The following OXR1 variants were observed in gnomAD, a reference collection of about 807,000 sequenced individuals.
The protein encoded by OXR1 is oxidation resistance protein 1.
Under a neutral mutation model 104.6 loss-of-function variants are expected in OXR1, and 41 were observed. The ratio of observed to expected loss-of-function variants is 0.39; its 90% confidence interval spans 0.31 to 0.51. The LOEUF is 0.51. Ranked by LOEUF, OXR1 falls within the 20% of genes least tolerant of loss-of-function variation. The probability of loss-of-function intolerance (pLI) is 0.77; values close to 1 mark genes in which losing one functional copy is unlikely to be tolerated. For synonymous variants in OXR1, 348 were observed against 348.4 expected (o/e 1.00, Z 0.01); for missense variants, 955 against 1,031.9 (o/e 0.93, Z 1.02).
At chr8:106,313,563 C>G (rs916624370) in intron 1 of OXR1, among the ~76,000 whole-genome samples, 2 of 152,016 alleles carry the variant, frequency 1.3e-5, no homozygotes, top group Non-Finnish European at 1.5e-5. Context: ...TTTTAATAAG[C>G]ACAGCAATTC....
intron 7 of OXR1, among the ~76,000 whole-genome samples, chr8:106,695,065 AC>A (rs1273611611): frequency 9.4e-5 from 14 of 149,616 alleles, no homozygotes; most frequent in Non-Finnish European, 1.8e-4. Flanking sequence ...ACAACAGTAT[AC>A]TTTTATTTCC....
At chr8:106,356,449 C>T (rs986967855) in intron 1 of OXR1, among the ~76,000 whole-genome samples, 1 of 152,108 alleles carries the variant, frequency 6.6e-6, no homozygotes, top group Non-Finnish European at 1.5e-5. Context: ...CTAAATTGTA[C>T]CATGTACATT....
At chr8:106,497,218 C>T (rs1811474297) in intron 2 of OXR1, among the ~76,000 whole-genome samples, 1 of 152,114 alleles carries the variant, frequency 6.6e-6, no homozygotes. Flanking sequence ...TTCATAAATG[C>T]TTGGAAGATG....
chr8:106,282,105 C>G (rs963006043), intron 1 of OXR1, among the ~76,000 whole-genome samples: 1 of 152,122 alleles, frequency 6.6e-6, no homozygotes, highest in Non-Finnish European at 1.5e-5. Context: ...AATCTAAAAT[C>G]TTTCTAAAAT....
At chr8:106,732,154 C>A (rs965091393) in intron 11 of OXR1, among the ~76,000 whole-genome samples, 3 of 151,858 alleles carry the variant, frequency 2.0e-5, no homozygotes, top group Non-Finnish European at 4.4e-5. Context: ...AAATGGTATT[C>A]TTTTTAACTT....
intron 3 of OXR1, among the ~76,000 whole-genome samples, chr8:106,554,647 A>G (rs1816124895): frequency 6.6e-6 from 1 of 152,160 alleles, no homozygotes; most frequent in Non-Finnish European, 1.5e-5. Context: ...AATTATTTTT[A>G]AATAGAAACT....
At chr8:106,726,264 G>C in intron 11 of OXR1, 2 of 1,526,150 alleles carry the variant, frequency 1.3e-6, no homozygotes, top group Non-Finnish European at 1.8e-6. Flanking sequence ...TCTGGTATGG[G>C]AAAAAAGGGA....
intron 2 of OXR1, among the ~76,000 whole-genome samples, chr8:106,435,248 A>T (rs182006624): frequency 6.6e-6 from 1 of 152,272 alleles, no homozygotes; most frequent in East Asian, 1.9e-4. Context: ...CATGACAGGA[A>T]GGGGGCCGTG....
rs181712524 is a variant in OXR1, at chr8:106,385,277, T to C, written c.23+25641T>C. Reference sequence around the variant, plus strand: ...TGAGGCAAATGAATGACAATTCCTTTCCATTCTTCAAAAGCAACATTGCAA... The same window carrying C: ...TGAGGCAAATGAATGACAATTCCTTCCCATTCTTCAAAAGCAACATTGCAA... On this transcript the variant is annotated intron_variant, in intron 2 of 16. Coordinates refer to ENST00000517566, the MANE Select transcript of OXR1 (RefSeq NM_001198533.2). Among the ~76,000 whole-genome samples, 15 of 152,328 alleles carry C rather than the reference T, an allele frequency of 9.8e-5. No individual in the cohort carries two copies. The East Asian group carries it at 2.5e-3, about 25-fold the overall frequency.
intron 11 of OXR1, chr8:106,729,681 A>C (rs960384226): frequency 1.6e-4 from 25 of 152,154 alleles, no homozygotes; most frequent in Non-Finnish European, 4.4e-5. Flanking sequence ...AAAAGTATAC[A>C]CATATATTCA....
rs1478719133 is a variant in OXR1 at position 106,589,655 on chromosome 8, T to C, written c.220+70516T>C. On this transcript the variant is annotated intron_variant, in intron 3 of 16. Transcript: ENST00000517566. Reference sequence around the variant, plus strand: ...AGACTGTGATGAGAGGTGCTTGACATGAACATAAGCTACTGTCTTTTCTGC... The same window carrying C: ...AGACTGTGATGAGAGGTGCTTGACACGAACATAAGCTACTGTCTTTTCTGC... 2.0e-5 allele frequency among the ~76,000 whole-genome samples: 3 copies of C among 152,248 alleles called. No homozygotes were observed. The South Asian group carries it at 6.2e-4, about 32-fold the overall frequency.
intron 2 of OXR1, among the ~76,000 whole-genome samples, chr8:106,372,407 GTT>G (rs113406678): frequency 6.9e-6 from 1 of 144,626 alleles, no homozygotes; most frequent in African/African-American, 2.5e-5. Flanking sequence ...TGCTTATTAT[GTT>G]TTTTTTTTTT....
At chr8:106,551,828 A>T (rs1384509485) in intron 3 of OXR1, among the ~76,000 whole-genome samples, 4 of 86,954 alleles carry the variant, frequency 4.6e-5, no homozygotes, top group African/African-American at 1.1e-4. Context: ...ACACACACAC[A>T]TATATATATG....
chr8:106,696,101 A>C (rs764737229), intron 7 of OXR1, among the ~76,000 whole-genome samples: 1 of 152,212 alleles, frequency 6.6e-6, no homozygotes, highest in South Asian at 2.1e-4. Flanking sequence ...AAAATCCTCT[A>C]TGCACCACCT....
chr8:106,547,051 T>C (rs952085343), intron 3 of OXR1, among the ~76,000 whole-genome samples: 3 of 151,990 alleles, frequency 2.0e-5, no homozygotes, highest in Admixed American at 6.6e-5. Flanking sequence ...CCACCACGCC[T>C]AGCTAATTTT....
At chr8:106,470,535 C>T (rs184600665) in intron 2 of OXR1, among the ~76,000 whole-genome samples, 40 of 151,830 alleles carry the variant, frequency 2.6e-4, no homozygotes, top group African/African-American at 9.4e-4. Context: ...ACATGTGAAC[C>T]TTGTGATGTC....
At chr8:106,526,703 C>T (rs532630117) in intron 3 of OXR1, among the ~76,000 whole-genome samples, 17 of 152,256 alleles carry the variant, frequency 1.1e-4, no homozygotes, top group South Asian at 4.1e-4. Context: ...CCACCACGCC[C>T]GGCTAATTTT....
intron 1 of OXR1, among the ~76,000 whole-genome samples, chr8:106,314,134 C>T (rs1452521154): frequency 6.6e-6 from 1 of 152,166 alleles, no homozygotes; most frequent in African/African-American, 2.4e-5. Context: ...AGCCTGCATG[C>T]CCAAAAGGGA....
intron 2 of OXR1, among the ~76,000 whole-genome samples, chr8:106,391,700 T>A (rs10086335): frequency 6.6e-6 from 1 of 151,894 alleles, no homozygotes; most frequent in Non-Finnish European, 1.5e-5. Flanking sequence ...TTTTTAAATC[T>A]TAGCATACAG....
Sources: allele counts gnomAD v4.1 joint callset (sites outside exome capture counted in the v4.1 genomes callset), GRCh38; gene constraint gnomAD v4.1.1; transcripts MANE v1.5; gene names NCBI Gene and HGNC (gene_info 2026-07-23, HGNC 2026-07-21).